NIPA1: variants seen among roughly 807,000 people sequenced by gnomAD.
NIPA1 encodes NIPA magnesium transporter 1, also known as magnesium transporter NIPA1.
Under a neutral mutation model 23.9 loss-of-function variants are expected in NIPA1, and 13 were observed. That is an observed-to-expected ratio of 0.54 (90% confidence interval 0.35 to 0.87). The LOEUF is 0.87. NIPA1 is among the 40% of genes least tolerant of loss of function. The pLI is 0.01. For synonymous variants in NIPA1, 234 were observed against 202.9 expected, an observed-to-expected ratio of 1.15 and a Z score of -1.30; for missense variants, 362 against 429.7, an observed-to-expected ratio of 0.84 and a Z score of 1.39.
chr15:22,803,344 GTA>G (rs1410554420), intron 1 of NIPA1, among the ~76,000 whole-genome samples: 1 of 151,622 alleles, frequency 6.6e-6, no homozygotes, highest in Non-Finnish European at 1.5e-5. Flanking sequence ...GTGTGTGTGT[GTA>G]TATGTATATA....
Position 22,825,146 on chromosome 15 carries a change from T to C in NIPA1, c.*907T>C. 1.3e-5 allele frequency: 2 copies of C among 152,234 alleles called. 1 individual carries two copies. Among genetic ancestry groups the C allele is most frequent in the Non-Finnish European group, 2.9e-5 (2 of 68,062 alleles). 9.4% of individuals were successfully genotyped at this position (152,234 alleles called of 1,614,324 possible). On this transcript the variant is annotated 3_prime_UTR_variant, in exon 5 of 5. Transcript: ENST00000337435. Reference sequence around the variant, plus strand: ...TATACAAACCTAGATGGGACACCTATGACCCACCCAGGCCAGATGGTACAG... The same window carrying C: ...TATACAAACCTAGATGGGACACCTACGACCCACCCAGGCCAGATGGTACAG...
At chr15:22,788,250 C>T (rs1894753892) in intron 1 of NIPA1, among the ~76,000 whole-genome samples, 1 of 152,032 alleles carries the variant, frequency 6.6e-6, no homozygotes, top group Non-Finnish European at 1.5e-5. Context: ...GCCTGTAGTC[C>T]CAGCACTTTG....
In NIPA1 at chr15:22,827,554, G is replaced by A. The variant is rs1350491407; in HGVS notation, c.*3315G>A. 1 of 152,150 alleles carries A rather than the reference G, an allele frequency of 6.6e-6. No individual in the cohort carries two copies. The highest frequency in any genetic ancestry group is 2.4e-5 in the African/African-American group (1 of 41,430). 9.4% of individuals were successfully genotyped at this position (152,150 alleles called of 1,614,324 possible). On this transcript the variant is annotated 3_prime_UTR_variant, in exon 5 of 5. Coordinates refer to ENST00000337435, the MANE Select transcript of NIPA1 (RefSeq NM_144599.5). The stretch of plus-strand genomic sequence containing the variant: ...TAGTGAATATACTTCGCAGCTCTTT[G>A]TTCAGCAATAAGGAATATTCTTTCA...
At chr15:22,820,666 A>G (rs751497382) in intron 4 of NIPA1, among the ~76,000 whole-genome samples, 193 bp downstream of exon 4, 1 of 151,682 alleles carries the variant, frequency 6.6e-6, no homozygotes, top group Non-Finnish European at 1.5e-5. Flanking sequence ...CTCTGCCCTC[A>G]CCCTCCCGCC....
At position 22,825,895 on chromosome 15, in the gene NIPA1, G is replaced by A; in HGVS notation, c.*1656G>A. On this transcript the variant is annotated 3_prime_UTR_variant, in exon 5 of 5. Transcript: ENST00000337435. Reference sequence around the variant, plus strand: ...CTCTGTCTATAGTGTTCCCATCCATGTGTTCCAAATGGGAGCATAGCATGA... The same window carrying A: ...CTCTGTCTATAGTGTTCCCATCCATATGTTCCAAATGGGAGCATAGCATGA... 6.5e-6 allele frequency: 1 copy of A among 152,734 alleles called. No homozygotes were observed. Among genetic ancestry groups the A allele is most frequent in the African/African-American group, 2.4e-5 (1 of 41,554 alleles). The allele number at this position is 152,734 out of a possible 1,614,324, so 9.5% of individuals were successfully genotyped here.
chr15:22,789,656 G>A (rs929210415), intron 1 of NIPA1, among the ~76,000 whole-genome samples: 1 of 152,166 alleles, frequency 6.6e-6, no homozygotes, highest in African/African-American at 2.4e-5. Flanking sequence ...GAACATTTCC[G>A]AGTCATGTGG....
At chr15:22,787,675 G>A (rs992349415) in intron 1 of NIPA1, among the ~76,000 whole-genome samples, 15 of 152,190 alleles carry the variant, frequency 9.9e-5, no homozygotes, top group Admixed American at 9.8e-4. Context: ...CGTTTCCATT[G>A]CTTCCAGAGG....
intron 3 of NIPA1, chr15:22,813,998 C>G (rs1895367314): frequency 1.6e-6 from 1 of 614,908 alleles, no homozygotes; most frequent in Admixed American, 2.4e-5. Flanking sequence ...AAATGTTTTG[C>G]TCAGTTAATT....
At chr15:22,820,980 CT>C (rs34707760) in intron 4 of NIPA1, among the ~76,000 whole-genome samples, 122 of 140,346 alleles carry the variant, frequency 8.7e-4, no homozygotes, top group African/African-American at 9.8e-4. Context: ...CTTTTCTTTT[CT>C]TTTTTTTTTT....
In NIPA1 at chr15:22,824,359, G is replaced by A; in HGVS notation, c.*120G>A. 1 of 914,330 alleles carries A rather than the reference G, an allele frequency of 1.1e-6. No individual in the cohort carries two copies. The highest frequency in any genetic ancestry group is 1.4e-5 in the South Asian group (1 of 73,590). The allele number at this position is 914,330 out of a possible 1,614,324, so 56.6% of individuals were successfully genotyped here. A position where few individuals can be genotyped will look rare whatever the true frequency, so the allele number is the denominator to read the frequency against. On this transcript the variant is annotated 3_prime_UTR_variant, in exon 5 of 5. Transcript: ENST00000337435. The surrounding 1 kb of genome is among the most constrained non-coding windows in gnomAD (Gnocchi z 4.1). Reference sequence around the variant, plus strand: ...TGTTAGAATTGACTGGATAGTAACAGGTGGTCTGGTGGATAGCGGGGAGCA... The same window carrying A: ...TGTTAGAATTGACTGGATAGTAACAAGTGGTCTGGTGGATAGCGGGGAGCA...
intron 1 of NIPA1, among the ~76,000 whole-genome samples, chr15:22,790,556 T>C (rs1218165884): frequency 6.6e-6 from 1 of 151,820 alleles, no homozygotes; most frequent in Non-Finnish European, 1.5e-5. Context: ...AGTTGGGTTA[T>C]AGGCATGCAC....
chr15:22,803,441 G>A (rs1434325809), intron 1 of NIPA1, among the ~76,000 whole-genome samples: 1 of 146,324 alleles, frequency 6.8e-6, no homozygotes, highest in Admixed American at 6.8e-5. Flanking sequence ...ACAAGTTTTT[G>A]TCAGATACAG....
At chr15:22,800,908 G>A (rs1321993614) in intron 1 of NIPA1, among the ~76,000 whole-genome samples, 1 of 149,138 alleles carries the variant, frequency 6.7e-6, no homozygotes, top group African/African-American at 2.5e-5. Context: ...TCCAGCCTGG[G>A]CGACAGTGCG....
At chr15:22,796,095 T>TA (rs558050528) in intron 1 of NIPA1, among the ~76,000 whole-genome samples, 84 of 148,686 alleles carry the variant, frequency 5.6e-4, no homozygotes, top group Admixed American at 3.7e-3. Flanking sequence ...TTTTTATATA[T>TA]TTTTTTTTTA....
rs1895669739 is a variant in NIPA1 at position 22,827,157 on chromosome 15, C to T, written c.*2918C>T. The T allele has an allele frequency of 6.6e-6, 1 of 152,096 alleles. No individual in the cohort carries two copies. The highest frequency in any genetic ancestry group is 1.5e-5 in the Non-Finnish European group (1 of 68,016). The allele number at this position is 152,096 out of a possible 1,614,324, so 9.4% of individuals were successfully genotyped here. On this transcript the variant is annotated 3_prime_UTR_variant, in exon 5 of 5. Transcript: ENST00000337435. ...CTTGTTTTCAAGCATCCTCTAAAAT[C>T]AAAGGTTTTGATCACAATATGCAGA... is the stretch of plus-strand genomic sequence containing the variant.
rs547355794 is a variant in NIPA1 at position 22,812,521 on chromosome 15, C to T, written c.317+268C>T. On this transcript the variant is annotated intron_variant, in intron 3 of 4. Coordinates refer to ENST00000337435, the MANE Select transcript of NIPA1 (RefSeq NM_144599.5). ...ATGAAAAATTAGCTGGACATGGTGG[C>T]GACCACCTGTAGTCCTAGCTACTCG... Among the ~76,000 whole-genome samples the T allele has an allele frequency of 9.4e-4, 143 of 151,970 alleles. 1 individual carries two copies. The highest frequency in any genetic ancestry group is 3.2e-3 in the African/African-American group (131 of 41,456).
chr15:22,808,489 C>T (rs1242657701), intron 1 of NIPA1, among the ~76,000 whole-genome samples: 1 of 152,160 alleles, frequency 6.6e-6, no homozygotes, highest in African/African-American at 2.4e-5. Context: ...ACAACTGATG[C>T]TGGGGACTTT....
chr15:22,793,230 TCCCAGCCACTTGG>T (rs1894868331), intron 1 of NIPA1, among the ~76,000 whole-genome samples: 1 of 151,080 alleles, frequency 6.6e-6, no homozygotes, highest in Non-Finnish European at 1.5e-5. Context: ...ATGCCTGTAG[TCCCAGCCACTTGG>T]GAGGCTGAGG....
chr15:22,797,931 G>T (rs1324912601), intron 1 of NIPA1, among the ~76,000 whole-genome samples: 1 of 148,562 alleles, frequency 6.7e-6, no homozygotes, highest in Non-Finnish European at 1.5e-5. Context: ...TGCAAGCTCC[G>T]CCTCCTGGGT....
Sources: allele counts gnomAD v4.1 joint callset (sites outside exome capture counted in the v4.1 genomes callset), GRCh38; gene constraint gnomAD v4.1.1; non-coding constraint Gnocchi (gnomAD v3.1); transcripts MANE v1.5; gene names NCBI Gene and HGNC (gene_info 2026-07-23, HGNC 2026-07-21).